ITSN2: variants seen among roughly 807,000 people sequenced by gnomAD.
The protein encoded by ITSN2 is intersectin-2.
ITSN2 carries 156 observed loss-of-function variants against 243.7 expected under a neutral mutation model. The ratio of observed to expected loss-of-function variants is 0.64; its 90% confidence interval spans 0.56 to 0.73. ITSN2 has a LOEUF of 0.73. Ranked by LOEUF, ITSN2 falls within the 30% of genes least tolerant of loss-of-function variation. The probability of loss-of-function intolerance (pLI) is 0.00; values close to 1 mark genes in which losing one functional copy is unlikely to be tolerated. For synonymous variants in ITSN2, 703 were observed against 699.9 expected (o/e 1.00, Z -0.07); for missense variants, 1,801 against 1,996.1 (o/e 0.90, Z 1.86).
In ITSN2 at chr2:24,288,624, G is replaced by A. The variant is rs532593613; in HGVS notation, c.1724-2273C>T. Among the ~76,000 whole-genome samples, 9 of 152,194 alleles carry A rather than the reference G, an allele frequency of 5.9e-5. No individual in the cohort carries two copies. In the South Asian group the frequency reaches 1.2e-3, roughly 21 times the overall value. ...ATACATTGTAAAATGGCTAAATTCA[G>A]CTAATTAACCTCACATACTTACCTC... On this transcript the variant is annotated intron_variant, in intron 15 of 39. Coordinates refer to ENST00000355123, the MANE Select transcript of ITSN2 (RefSeq NM_006277.3).
Position 24,224,636 on chromosome 2 carries a change from C to CT in ITSN2, c.3578-3571dup, listed in dbSNP as rs148181209. Among the ~76,000 whole-genome samples, 208 of 144,954 alleles carry CT rather than the reference C, an allele frequency of 1.4e-3. 1 individual carries two copies. Among genetic ancestry groups the CT allele is most frequent in the African/African-American group, 3.5e-3 (138 of 39,830 alleles). ...GCATTTCATCATGACGGCTCTTCAA[C>CT]TTTTTTTTTTTTTTTGAGACGGAGT... On this transcript the variant is annotated intron_variant, in intron 29 of 39. Coordinates refer to ENST00000355123, the MANE Select transcript of ITSN2 (RefSeq NM_006277.3).
chr2:24,284,518 C>T (rs964838035), intron 17 of ITSN2, among the ~76,000 whole-genome samples: 57 of 152,266 alleles, frequency 3.7e-4, no homozygotes, highest in African/African-American at 1.3e-3. Context: ...GGTTATATTT[C>T]TAAGTGTCCT....
chr2:24,292,723 T>C (rs902192405), intron 15 of ITSN2, among the ~76,000 whole-genome samples: 1 of 152,220 alleles, frequency 6.6e-6, no homozygotes, highest in Non-Finnish European at 1.5e-5. Flanking sequence ...TGCATTCTAC[T>C]TTGTTCATGC....
intron 15 of ITSN2, among the ~76,000 whole-genome samples, chr2:24,290,426 G>A (rs993656133): frequency 6.6e-6 from 1 of 151,968 alleles, no homozygotes; most frequent in African/African-American, 2.4e-5. Context: ...CTAAATTCTT[G>A]TATTACATGT....
intron 1 of ITSN2, among the ~76,000 whole-genome samples, chr2:24,339,083 GT>G (rs1011441647): frequency 7.2e-5 from 11 of 152,114 alleles, no homozygotes; most frequent in African/African-American, 2.7e-4. Flanking sequence ...AGAAGGACTA[GT>G]TAAAAGAAGG....
At chr2:24,347,794 A>T (rs1687681318) in intron 1 of ITSN2, among the ~76,000 whole-genome samples, 1 of 152,144 alleles carries the variant, frequency 6.6e-6, no homozygotes, top group Non-Finnish European at 1.5e-5. Flanking sequence ...AGATAAGGCT[A>T]AACACGGTGG....
intron 29 of ITSN2, among the ~76,000 whole-genome samples, chr2:24,236,129 G>A (rs1053856692): frequency 6.7e-6 from 1 of 149,240 alleles, no homozygotes; most frequent in Non-Finnish European, 1.5e-5. Flanking sequence ...TGAACAAAAC[G>A]TGGCATATCC....
At chr2:24,306,266 C>T (rs552828565) in intron 8 of ITSN2, among the ~76,000 whole-genome samples, 1 of 152,256 alleles carries the variant, frequency 6.6e-6, no homozygotes, top group East Asian at 1.9e-4. Context: ...AGGTGTGAGC[C>T]ACTGCACCCG....
rs958146919 is a variant in ITSN2 at position 24,225,131 on chromosome 2, G to C, written c.3578-4065C>G. On this transcript the variant is annotated intron_variant, in intron 29 of 39. Coordinates refer to ENST00000355123, the MANE Select transcript of ITSN2 (RefSeq NM_006277.3). This position sits in a 1 kb window ranked among gnomAD's most constrained non-coding sequence, Gnocchi z 4.2. ...TTTCTTTCTAAAGCCACTGTCTGTA[G>C]TCAGCCTCTCCTCCAGGGCCCCTCC... 6.6e-6 allele frequency among the ~76,000 whole-genome samples: 1 copy of C among 152,148 alleles called. No individual in the cohort carries two copies. Among genetic ancestry groups the C allele is most frequent in the Admixed American group, 6.5e-5 (1 of 15,278 alleles).
chr2:24,287,713 CT>C (rs1051035869), intron 15 of ITSN2, among the ~76,000 whole-genome samples: 8 of 152,026 alleles, frequency 5.3e-5, no homozygotes, highest in African/African-American at 1.7e-4. Context: ...TATCTCTGAT[CT>C]TTTTGATAAC....
chr2:24,243,861 GTTAAA>G (rs1389242268), intron 29 of ITSN2, among the ~76,000 whole-genome samples: 1 of 151,370 alleles, frequency 6.6e-6, no homozygotes, highest in Non-Finnish European at 1.5e-5. Context: ...TAAAATTAAA[GTTAAA>G]TTAAATTAAA....
At chr2:24,270,613 C>A in intron 20 of ITSN2, 58 bp downstream of exon 20, 1 of 807,454 alleles carries the variant, frequency 1.2e-6, no homozygotes, top group African/African-American at 1.7e-5. Context: ...ACTACAGAAA[C>A]TAATATATTA....
In ITSN2 at chr2:24,204,133, T is replaced by G; in HGVS notation, c.4936+112A>C. ...CAAAGCGAGATGACACAGGCCTGTG[T>G]CACTTCCCTGAAGTGGCATGGGGTC... On this transcript the variant is annotated intron_variant, in intron 39 of 39. Transcript: ENST00000355123. The surrounding 1 kb of genome is among the most constrained non-coding windows in gnomAD (Gnocchi z 5.1). 1 of 1,056,276 alleles carries G rather than the reference T, an allele frequency of 9.5e-7. No individual in the cohort carries two copies. Among genetic ancestry groups the G allele is most frequent in the East Asian group, 2.4e-5 (1 of 41,680 alleles). The allele number at this position is 1,056,276 out of a possible 1,614,324, so 65.4% of individuals were successfully genotyped here. A position where few individuals can be genotyped will look rare whatever the true frequency, so the allele number is the denominator to read the frequency against.
intron 29 of ITSN2, among the ~76,000 whole-genome samples, chr2:24,234,330 C>A (rs536739459): frequency 8.0e-5 from 12 of 150,738 alleles, no homozygotes; most frequent in Non-Finnish European, 1.5e-4. Context: ...CAGGTCTCTA[C>A]TGTTCGCAAA....
At chr2:24,277,016 T>C (rs1678094741) in intron 17 of ITSN2, among the ~76,000 whole-genome samples, 1 of 152,204 alleles carries the variant, frequency 6.6e-6, no homozygotes, top group African/African-American at 2.4e-5. Context: ...TTCAATATCA[T>C]GGCTCGGAGA....
intron 2 of ITSN2, among the ~76,000 whole-genome samples, chr2:24,321,379 A>AT (rs1273471585): frequency 3.3e-5 from 5 of 152,186 alleles, no homozygotes; most frequent in East Asian, 1.9e-4. Flanking sequence ...TACAAAGACA[A>AT]TTTTCCAGGA....
chr2:24,275,337 TG>T (rs1677882298), intron 18 of ITSN2, among the ~76,000 whole-genome samples: 1 of 152,246 alleles, frequency 6.6e-6, no homozygotes, highest in African/African-American at 2.4e-5. Flanking sequence ...TACAGGCGTG[TG>T]TCACCACGCC....
chr2:24,310,269 G>A lies in ITSN2; in HGVS notation c.653+15C>T. 3 of 1,532,064 alleles carry A rather than the reference G, an allele frequency of 2.0e-6. No individual in the cohort carries two copies. The highest frequency in any genetic ancestry group is 2.7e-6 in the Non-Finnish European group (3 of 1,115,990). 94.9% of individuals were successfully genotyped at this position (1,532,064 alleles called of 1,614,324 possible). A position where few individuals can be genotyped will look rare whatever the true frequency, so the allele number is the denominator to read the frequency against. ...ACTGAAAGCATAAAAAGTTGTCAGA[G>A]TTAGCTATTCATACCTACTAGATCC... is the stretch of plus-strand genomic sequence containing the variant. On this transcript the variant is annotated intron_variant, in intron 7 of 39. Transcript: ENST00000355123.
chr2:24,355,624 A>G (rs1688375005), intron 1 of ITSN2, among the ~76,000 whole-genome samples: 1 of 152,274 alleles, frequency 6.6e-6, no homozygotes, highest in Admixed American at 6.5e-5. Flanking sequence ...CAAAACCATA[A>G]AACCCTAGAA....
Sources: allele counts gnomAD v4.1 joint callset (sites outside exome capture counted in the v4.1 genomes callset), GRCh38; gene constraint gnomAD v4.1.1; non-coding constraint Gnocchi (gnomAD v3.1); transcripts MANE v1.5; gene names NCBI Gene and HGNC (gene_info 2026-07-23, HGNC 2026-07-21).